PDE4D: variants seen among roughly 807,000 people sequenced by gnomAD.
PDE4D encodes 3',5'-cyclic-AMP phosphodiesterase 4D.
In PDE4D, 24 loss-of-function variants were observed where a neutral mutation model predicts 87.4. The observed-to-expected ratio is 0.27, with a 90% confidence interval of 0.20 to 0.39. The LOEUF (loss-of-function observed/expected upper bound fraction) is 0.39, where lower values mean the gene tolerates loss of function less well. Ranked by LOEUF, PDE4D falls within the 10% of genes least tolerant of loss-of-function variation. PDE4D has a pLI of 1.00. For missense variants in PDE4D, 714 were observed against 1,041.0 expected (o/e 0.69, Z 4.32); for synonymous variants, 384 against 383.2 (o/e 1.00, Z -0.02).
chr5:60,504,857 G>A (rs540821587), intron 1 of PDE4D, among the ~76,000 whole-genome samples: 8 of 152,118 alleles, frequency 5.3e-5, no homozygotes, highest in South Asian at 4.1e-4. Context: ...TTCATGCCAC[G>A]TGGGGTTTAA....
chr5:59,893,344 G>T lies in PDE4D; in HGVS notation c.279C>A (p.Gly93=). The T allele has an allele frequency of 3.4e-6, 5 of 1,450,592 alleles. No individual in the cohort carries two copies. The highest frequency in any genetic ancestry group is 4.6e-6 in the Non-Finnish European group (5 of 1,094,850). 89.9% of individuals were successfully genotyped at this position (1,450,592 alleles called of 1,614,324 possible). The change falls in exon 1 of 15, where the codon GGC becomes GGA. Residue 93 remains glycine, a synonymous_variant. Coordinates refer to ENST00000340635, the MANE Select transcript of PDE4D (RefSeq NM_001104631.2). ...PPPPPPGAAR[G]RYASSGATGR... is the part of the protein sequence containing the mutation. ...CGGTGGCCCCGCTCGAGGCGTAGCG[G>T]CCGCGGGCAGCCCCGGGCGGCGGCG...
intron 5 of PDE4D, among the ~76,000 whole-genome samples, chr5:59,080,290 C>G (rs904332390): frequency 6.6e-6 from 1 of 152,198 alleles, no homozygotes; most frequent in Non-Finnish European, 1.5e-5. Flanking sequence ...GACCCTGGCA[C>G]TCTGTAGCCC....
Position 58,973,016 on chromosome 5 carries a change from A to G in PDE4D, c.*1648T>C, listed in dbSNP as rs1205917084. 1 of 152,120 alleles carries G rather than the reference A, an allele frequency of 6.6e-6. No homozygotes were observed. The highest frequency in any genetic ancestry group is 2.4e-5 in the African/African-American group (1 of 41,440). 9.4% of individuals were successfully genotyped at this position (152,120 alleles called of 1,614,324 possible). A position where few individuals can be genotyped will look rare whatever the true frequency, so the allele number is the denominator to read the frequency against. On this transcript the variant is annotated 3_prime_UTR_variant, in exon 15 of 15. Transcript: ENST00000340635. ...ATGGATCGAGGATAAGTGATAAAGG[A>G]CTTCCTACACGTTATGTGGCTGTCC...
intron 2 of PDE4D, among the ~76,000 whole-genome samples, chr5:60,079,217 A>G (rs1752664232): frequency 6.6e-6 from 1 of 152,068 alleles, no homozygotes; most frequent in Admixed American, 6.6e-5. Context: ...TCCTTTGCCT[A>G]CTTTTTGATG....
At chr5:60,380,660 C>T (rs554034544) in intron 1 of PDE4D, among the ~76,000 whole-genome samples, 1 of 152,214 alleles carries the variant, frequency 6.6e-6, no homozygotes, top group South Asian at 2.1e-4. Context: ...TGTTTGTTAG[C>T]GCAGCGTAAC....
At chr5:59,912,088 G>A (rs1161070230) in intron 3 of PDE4D, among the ~76,000 whole-genome samples, 1 of 152,150 alleles carries the variant, frequency 6.6e-6, no homozygotes, top group Admixed American at 6.6e-5. Context: ...TCTGCAGCTG[G>A]CAGTGTGAGT....
chr5:60,374,119 G>T (rs746308298), intron 1 of PDE4D, among the ~76,000 whole-genome samples: 1 of 152,124 alleles, frequency 6.6e-6, no homozygotes. Flanking sequence ...AAAGATACAG[G>T]TGAGCCAGGA....
At chr5:59,083,324 A>G (rs1444585307) in intron 5 of PDE4D, among the ~76,000 whole-genome samples, 1 of 152,096 alleles carries the variant, frequency 6.6e-6, no homozygotes, top group East Asian at 1.9e-4. Flanking sequence ...ACATCTAGAT[A>G]TGTATCCTTT....
chr5:59,188,891 T>G (rs572775282), intron 3 of PDE4D, among the ~76,000 whole-genome samples: 229 of 152,326 alleles, frequency 1.5e-3, no homozygotes, highest in African/African-American at 5.4e-3. Context: ...AGAACTTAGA[T>G]GTCCAGAAGA....
At chr5:59,897,160 T>C (rs1234615113), upstream of PDE4D, among the ~76,000 whole-genome samples, 1 of 152,206 alleles carries the variant, frequency 6.6e-6, no homozygotes, top group Non-Finnish European at 1.5e-5. Flanking sequence ...CAAACTTAAA[T>C]AAGCAGTTAG....
At position 58,974,933 on chromosome 5, in the gene PDE4D, C is replaced by G. The variant is rs1312356137; in HGVS notation, c.2161G>C (p.Asp721His). 6.2e-7 allele frequency: 1 copy of G among 1,613,326 alleles called. No individual in the cohort carries two copies. Among genetic ancestry groups the G allele is most frequent in the East Asian group, 2.2e-5 (1 of 44,864 alleles). The part of the protein sequence containing the change: ...TIPQSPSPAP[D>H]DPEEGRQGQT... Reference sequence around the variant, plus strand: ...CCCTGCCGGCCCTCCTCTGGGTCATCAGGTGCAGGAGAGGGGCTCTGAGGG... The same window carrying G: ...CCCTGCCGGCCCTCCTCTGGGTCATGAGGTGCAGGAGAGGGGCTCTGAGGG... Residue 721 changes from aspartate to histidine, a missense_variant, in exon 15 of 15, where the codon GAT becomes CAT. By Grantham distance (81) the Asp-to-His change is moderately conservative. Transcript: ENST00000340635.
rs76442507 is a variant in PDE4D at position 60,094,153 on chromosome 5, T to C, written c.42+91404A>G. Reference sequence around the variant, plus strand: ...TCTGCCACATACTAACTATATGATTTTAGTAAGGCCAAGTTTCCCTCTTTC... The same window carrying C: ...TCTGCCACATACTAACTATATGATTCTAGTAAGGCCAAGTTTCCCTCTTTC... On this transcript the variant is annotated intron_variant, in intron 2 of 16. Coordinates refer to the PDE4D transcript ENST00000502484. Among the ~76,000 whole-genome samples, 884 of 152,222 alleles carry C rather than the reference T, an allele frequency of 5.8e-3. 11 individuals are homozygous for C. Among genetic ancestry groups the C allele is most frequent in the African/African-American group, 0.02 (850 of 41,540 alleles).
intron 1 of PDE4D, among the ~76,000 whole-genome samples, chr5:60,310,444 T>G (rs539647777): frequency 3.7e-4 from 57 of 152,230 alleles, no homozygotes; most frequent in African/African-American, 1.3e-3. Context: ...GTTTAAAAAA[T>G]GAATGAGGAG....
chr5:59,255,951 T>C (rs1267671875), intron 1 of PDE4D, among the ~76,000 whole-genome samples: 1 of 152,148 alleles, frequency 6.6e-6, no homozygotes, highest in East Asian at 1.9e-4. Flanking sequence ...CAATCAGCCA[T>C]ATACCGATTG....
chr5:60,281,703 G>T (rs781332847), intron 1 of PDE4D, among the ~76,000 whole-genome samples: 1 of 151,994 alleles, frequency 6.6e-6, no homozygotes, highest in African/African-American at 2.4e-5. Context: ...AATAAACTTA[G>T]TAAAAGAAGT....
chr5:59,381,022 T>C (rs892506945), intron 1 of PDE4D, among the ~76,000 whole-genome samples: 1 of 152,174 alleles, frequency 6.6e-6, no homozygotes, highest in African/African-American at 2.4e-5. Flanking sequence ...ATATTTACTA[T>C]CTGGCTTGTC....
chr5:59,474,756 T>C (rs1349086865), intron 1 of PDE4D, among the ~76,000 whole-genome samples: 1 of 152,094 alleles, frequency 6.6e-6, no homozygotes, highest in African/African-American at 2.4e-5. Flanking sequence ...CTAGACTATC[T>C]TGACTTACAT....
chr5:60,121,390 C>T (rs772166140), intron 2 of PDE4D, among the ~76,000 whole-genome samples: 4 of 151,812 alleles, frequency 2.6e-5, no homozygotes, highest in East Asian at 1.9e-4. Context: ...TTTCATGTGG[C>T]GATAAAGACA....
chr5:59,889,202 C>T (rs555009265), intron 1 of PDE4D, among the ~76,000 whole-genome samples: 1 of 143,882 alleles, frequency 7.0e-6, no homozygotes, highest in South Asian at 2.2e-4. Context: ...CACACTCCAG[C>T]CTGGGTGACA....
Sources: allele counts gnomAD v4.1 joint callset (sites outside exome capture counted in the v4.1 genomes callset), GRCh38; gene constraint gnomAD v4.1.1; transcripts MANE v1.5; gene names NCBI Gene and HGNC (gene_info 2026-07-23, HGNC 2026-07-21).